Variants in WDR90 observed in about 807,000 individuals in gnomAD.
WDR90 encodes the protein WD repeat-containing protein 90.
In WDR90, 238 loss-of-function variants were observed where a neutral mutation model predicts 195.2. The observed-to-expected ratio is 1.22, with a 90% CI of 1.10 to 1.36. WDR90 has a LOEUF of 1.36. WDR90 is among the 40% of genes most tolerant of loss of function. WDR90 has a pLI of 0.00. For synonymous variants in WDR90, 1,265 were observed against 1,052.4 expected (o/e 1.20, Z -3.91); for missense variants, 2,734 against 2,439.5 (o/e 1.12, Z -2.54).
In WDR90 at chr16:655,344, C is replaced by T. The variant is rs144704309; in HGVS notation, c.1594C>T (p.Arg532Trp). The T allele has an allele frequency of 1.9e-5, 31 of 1,603,026 alleles. No individual in the cohort carries two copies. In the Admixed American group the frequency reaches 2.5e-4, roughly 13 times the overall value. ...CGGGCAGGGCAGTGTGCGGCTCTGG[C>T]GGCTGCGTGGCGGGGTGCTGCGTTC... ...SCGQGSVRLW[R>W]LRGGVLRSCP... The change falls in exon 15 of 41, where the codon CGG becomes TGG. Residue 532 changes from arginine (R) to tryptophan (W), a missense_variant. By Grantham distance (101) the Arg-to-Trp change is moderately radical. Transcript: ENST00000293879.
rs775502753 is a variant in WDR90, at chr16:658,601, G to T, written c.2843G>T (p.Gly948Val). The T allele has an allele frequency of 3.1e-6, 5 of 1,612,716 alleles. No individual in the cohort carries two copies. In the South Asian group the frequency reaches 5.5e-5, roughly 18 times the overall value. Reference sequence around the variant, plus strand: ...GCCCGCTTCCTGCTGATTGCCGCCGGCCGGACCATCAAGGTGTGGGACTAC... The same window carrying T: ...GCCCGCTTCCTGCTGATTGCCGCCGTCCGGACCATCAAGGTGTGGGACTAC... ...EDARFLLIAA[G>V]RTIKVWDYAT... The change falls in exon 23 of 41, where the codon GGC becomes GTC. Residue 948 changes from glycine (G) to valine (V), a missense_variant. By Grantham distance (109) the Gly-to-Val change is moderately radical. Transcript: ENST00000293879.
intron 36 of WDR90, 21 bp downstream of exon 36, chr16:666,145 G>A: frequency 9.3e-6 from 15 of 1,607,498 alleles, no homozygotes; most frequent in Non-Finnish European, 1.3e-5. Flanking sequence ...GGGTGTGTTG[G>A]GGATGGTGCC....
Position 666,009 on chromosome 16 carries a change from A to G in WDR90, c.4494A>G (p.Leu1498=). 5.0e-6 allele frequency: 8 copies of G among 1,603,944 alleles called. No homozygotes were observed. The highest frequency in any genetic ancestry group is 4.5e-5 in the East Asian group (2 of 44,868). ...GTGGCCGCCCTGAGCAGCAGCGGCT[A>G]GCGGCTGGCTACGGTGACGGCTCCC... The part of the protein sequence containing the change: ...PCCGRPEQQR[L]AAGYGDGSLR... The change falls in exon 36 of 41, where the codon CTA becomes CTG. Residue 1498 remains leucine (L), a synonymous_variant. Transcript: ENST00000293879.
Position 656,322 on chromosome 16 carries a change from T to C in WDR90, c.1987T>C (p.Ser663Pro). ...LEAEHEGPVS[S>P]VCVSPDGLRV... is the part of the protein sequence containing the mutation. ...CACAGAGCACGAGGGCCCCGTCAGC[T>C]CAGTCTGTGTCAGCCCCGATGGCCT... The change falls in exon 18 of 41, where the codon TCA (serine) becomes CCA (proline). Residue 663 changes from serine to proline, a missense_variant. Physicochemically the swap from Ser to Pro is moderately conservative, Grantham distance 74. Transcript: ENST00000293879. The C allele has an allele frequency of 6.3e-7, 1 of 1,591,110 alleles. No homozygotes were observed. Among genetic ancestry groups the C allele is most frequent in the Non-Finnish European group, 8.6e-7 (1 of 1,168,314 alleles).
Position 651,700 on chromosome 16 carries a change from G to T in WDR90, c.793G>T (p.Val265Leu). 2 of 1,613,084 alleles carry T rather than the reference G, an allele frequency of 1.2e-6. No individual in the cohort carries two copies. The highest frequency in any genetic ancestry group is 1.1e-5 in the South Asian group (1 of 91,088). The stretch of plus-strand genomic sequence containing the variant: ...TTGCCCGGTGGCCTCCAGCAAACCT[G>T]TGCGGTTCAGTGTGTCTCCAGTGGT... Reference protein sequence around the residue: ...LPCPVASSKPVRFSVSPVVQT... With the variant: ...LPCPVASSKPLRFSVSPVVQT... The change falls in exon 8 of 41, where the codon GTG (valine) becomes TTG (leucine). Residue 265 changes from valine (V) to leucine (L), a missense_variant. Coordinates refer to ENST00000293879, the MANE Select transcript of WDR90 (RefSeq NM_145294.5).
intron 13 of WDR90, 21 bp from the exon 14 acceptor site, chr16:655,008 C>G (rs1239432991): frequency 6.2e-7 from 1 of 1,609,418 alleles, no homozygotes; most frequent in Non-Finnish European, 8.5e-7. Flanking sequence ...GCCGTGCGGG[C>G]TCAGCCTGGG....
chr16:649,812 G>A lies in WDR90; in HGVS notation c.60G>A (p.Glu20=). 6.3e-7 allele frequency: 1 copy of A among 1,581,974 alleles called. No individual in the cohort carries two copies. Among genetic ancestry groups the A allele is most frequent in the Non-Finnish European group, 8.6e-7 (1 of 1,164,644 alleles). The change falls in exon 2 of 41, where the codon GAG becomes GAA. Residue 20 remains glutamate, a synonymous_variant. Transcript: ENST00000293879. ...LNVFRHFRVD[E]WKRSAKQGDV... ...TCTTCAGACACTTCCGGGTGGACGAGTGGAAGCGCTCCGCCAAGCAGGGGG... is the reference window on the plus strand; with the variant it reads ...TCTTCAGACACTTCCGGGTGGACGAATGGAAGCGCTCCGCCAAGCAGGGGG...
intron 17 of WDR90, 194 bp from the exon 18 acceptor site, chr16:656,097 CGTGGGTAGTGT>C: frequency 1.3e-6 from 1 of 758,932 alleles, no homozygotes; most frequent in South Asian, 1.8e-5. Flanking sequence ...CCCGGTGGGA[CGTGGGTAGTGT>C]GTGAAGCCCC....
intron 29 of WDR90, 21 bp downstream of exon 29, chr16:661,193 C>T (rs529164884): frequency 6.5e-7 from 1 of 1,527,900 alleles, no homozygotes; most frequent in Non-Finnish European, 8.8e-7. Flanking sequence ...GCATCGCCCT[C>T]CTCCTCTCCC....
intron 10 of WDR90, 141 bp downstream of exon 10, chr16:652,676 C>A (rs1016538474): frequency 4.5e-6 from 4 of 885,666 alleles, no homozygotes; most frequent in African/African-American, 1.7e-5. Flanking sequence ...GCGGTCCCGT[C>A]CCCCTGCAGT....
Position 657,790 on chromosome 16 carries a change from G to A in WDR90, c.2502G>A (p.Ala834=), listed in dbSNP as rs757381663. 5 of 1,551,876 alleles carry A rather than the reference G, an allele frequency of 3.2e-6. No individual in the cohort carries two copies. The highest frequency in any genetic ancestry group is 1.2e-5 in the South Asian group (1 of 84,212). The change falls in exon 21 of 41, where the codon GCG becomes GCA. Residue 834 remains alanine, a synonymous_variant. Transcript: ENST00000293879. The part of the protein sequence containing the change: ...AADMVCPDAP[A]SPSALAVSRD... ...ACATGGTATGCCCGGATGCCCCCGC[G>A]AGCCCCAGCGCCCTGGCAGTCAGCA...
At chr16:657,428 G>A (rs923751098) in intron 20 of WDR90, 7 of 902,212 alleles carry the variant, frequency 7.8e-6, no homozygotes, top group Admixed American at 3.1e-5. Flanking sequence ...AGGTCAGCTC[G>A]GGTCTGTGCC....
At position 667,686 on chromosome 16, in the gene WDR90, G is replaced by T. The variant is rs1282236189; in HGVS notation, c.*97G>T. On this transcript the variant is annotated 3_prime_UTR_variant, in exon 41 of 41. Transcript: ENST00000293879. ...GGCGCCAGGTTGTCAATGGCCTCATGCTGGGACAGGCCAGGATTCACGTAA... is the reference window on the plus strand; with the variant it reads ...GGCGCCAGGTTGTCAATGGCCTCATTCTGGGACAGGCCAGGATTCACGTAA... The T allele has an allele frequency of 1.2e-5, 19 of 1,544,588 alleles. No homozygotes were observed. Among genetic ancestry groups the T allele is most frequent in the African/African-American group, 8.2e-5 (6 of 73,488 alleles).
In WDR90 at chr16:662,189, C is replaced by T. The variant is rs369411048; in HGVS notation, c.4034-31C>T. On this transcript the variant is annotated intron_variant, in intron 32 of 40. Coordinates refer to ENST00000293879, the MANE Select transcript of WDR90 (RefSeq NM_145294.5). ...GACCCAGGGCCTCTGGGAAGGCAGC[C>T]GTGGCCCCTTATGGCTCCTCCTGCC... 131 of 1,521,374 alleles carry T rather than the reference C, an allele frequency of 8.6e-5. No individual in the cohort carries two copies. The Admixed American group carries it at 1.7e-3, about 20-fold the overall frequency. 94.2% of individuals were successfully genotyped at this position (1,521,374 alleles called of 1,614,324 possible).
chr16:665,370 G>A (rs1006889961), intron 34 of WDR90: 4 of 572,318 alleles, frequency 7.0e-6, no homozygotes, highest in Non-Finnish European at 1.2e-5. Context: ...TTCAGCCTCA[G>A]TCTGTAGCCT....
chr16:660,246 G>A (rs954749991), intron 27 of WDR90, 85 bp downstream of exon 27: 3 of 1,258,874 alleles, frequency 2.4e-6, no homozygotes, highest in Admixed American at 5.7e-5. Flanking sequence ...CCTCAGGGTT[G>A]CTTTTGGTCG....
Position 665,740 on chromosome 16 carries a change from G to A in WDR90, c.4373G>A (p.Ser1458Asn), listed in dbSNP as rs1055367565. Residue 1458 changes from serine to asparagine, a missense_variant, in exon 35 of 41, where the codon AGT becomes AAT. Ser to Asn is a conservative substitution (Grantham distance 46). Coordinates refer to ENST00000293879, the MANE Select transcript of WDR90 (RefSeq NM_145294.5). ...SHCATCSEDGSVRVWALASME... is the reference protein window; with the variant it reads ...SHCATCSEDGNVRVWALASME... The stretch of plus-strand genomic sequence containing the variant: ...TGCGCCACATGCAGTGAGGATGGGA[G>A]TGTGCGGGTGTGGGCCTTGGCCAGC... 1 of 1,610,606 alleles carries A rather than the reference G, an allele frequency of 6.2e-7. No homozygotes were observed. Among genetic ancestry groups the A allele is most frequent in the Non-Finnish European group, 8.5e-7 (1 of 1,178,384 alleles).
intron 17 of WDR90, 80 bp from the exon 18 acceptor site, chr16:656,222 G>A (rs1273475862): frequency 1.5e-6 from 2 of 1,317,708 alleles, no homozygotes; most frequent in African/African-American, 1.4e-5. Flanking sequence ...GCATTTGCTG[G>A]GGTGTCGGGG....
Position 653,624 on chromosome 16 carries a change from T to C in WDR90, c.1333T>C (p.Cys445Arg), listed in dbSNP as rs1188642527. 1 of 1,613,444 alleles carries C rather than the reference T, an allele frequency of 6.2e-7. No individual in the cohort carries two copies. Among genetic ancestry groups the C allele is most frequent in the Non-Finnish European group, 8.5e-7 (1 of 1,179,976 alleles). ...GCTCTGGGACTTCCAGACCGGGCGGTGCTTGTGCCTGTTCCGGAGCCCAAT... is the reference window on the plus strand; with the variant it reads ...GCTCTGGGACTTCCAGACCGGGCGGCGCTTGTGCCTGTTCCGGAGCCCAAT... ...MRLWDFQTGRCLCLFRSPMHV... is the reference protein window; with the variant it reads ...MRLWDFQTGRRLCLFRSPMHV... Residue 445 changes from cysteine (C) to arginine (R), a missense_variant, in exon 12 of 41, where the codon TGC (cysteine) becomes CGC (arginine). By Grantham distance (180) the Cys-to-Arg change is radical (BLOSUM62 -3). Coordinates refer to ENST00000293879, the MANE Select transcript of WDR90 (RefSeq NM_145294.5).
Sources: allele counts gnomAD v4.1 joint callset, GRCh38; gene constraint gnomAD v4.1.1; transcripts MANE v1.5; gene names NCBI Gene and HGNC (gene_info 2026-07-23, HGNC 2026-07-21).